Variants in NTRK3 observed in about 807,000 individuals in gnomAD.
NTRK3 encodes the protein neurotrophic receptor tyrosine kinase 3.
In NTRK3, 24 loss-of-function variants were observed where a neutral mutation model predicts 91.7. The ratio of observed to expected loss-of-function variants is 0.26; its 90% CI spans 0.19 to 0.37. The LOEUF (loss-of-function observed/expected upper bound fraction) is 0.37. Among genes scored for constraint, NTRK3 ranks in the 10% least tolerant of loss-of-function variants. The pLI is 1.00. For missense variants in NTRK3, 880 were observed against 1,068.9 expected, an observed-to-expected ratio of 0.82 and a Z score of 2.46; for synonymous variants, 483 against 404.0, an observed-to-expected ratio of 1.20 and a Z score of -2.34.
intron 14 of NTRK3, among the ~76,000 whole-genome samples, chr15:87,989,850 G>A (rs369103552): frequency 4.3e-4 from 66 of 152,112 alleles, no homozygotes; most frequent in African/African-American, 9.2e-4. Flanking sequence ...CAAGGGATGC[G>A]CCCACCTCAG....
At chr15:87,989,536 A>G (rs149354665) in intron 14 of NTRK3, among the ~76,000 whole-genome samples, 1,541 of 152,278 alleles carry the variant, frequency 0.01, 24 homozygotes, top group African/African-American at 0.035. Flanking sequence ...TAGCATTAGG[A>G]GATATACCTA....
intron 14 of NTRK3, among the ~76,000 whole-genome samples, chr15:88,010,760 A>C (rs2076824515): frequency 6.6e-6 from 1 of 151,704 alleles, no homozygotes; most frequent in Non-Finnish European, 1.5e-5. Context: ...ACACACACAC[A>C]CACACACAAA....
At chr15:87,867,491 T>C (rs1168858897) in exon 19 of NTRK3, 2 of 229,964 alleles carry the variant, frequency 8.7e-6, no homozygotes, top group Non-Finnish European at 1.7e-5. Flanking sequence ...GATCTTGAGA[T>C]GGTATATAAT....
intron 13 of NTRK3, among the ~76,000 whole-genome samples, chr15:88,101,898 G>C (rs953673960): frequency 1.3e-5 from 2 of 152,092 alleles, no homozygotes; most frequent in African/African-American, 2.4e-5. Flanking sequence ...GATAGCATTA[G>C]AAGATTTACC....
exon 19 of NTRK3, chr15:87,862,359 C>G (rs1284714026): frequency 2.2e-5 from 5 of 225,630 alleles, no homozygotes; most frequent in Middle Eastern, 1.3e-3. Flanking sequence ...CCCTTATTTT[C>G]TTACACCACT....
chr15:88,217,464 T>C (rs2141518742), intron 3 of NTRK3, among the ~76,000 whole-genome samples: 1 of 152,276 alleles, frequency 6.6e-6, no homozygotes, highest in East Asian at 1.9e-4. Context: ...GAGATGAACC[T>C]TGAGGACATT....
At chr15:88,200,462 C>G (rs978751588) in intron 3 of NTRK3, among the ~76,000 whole-genome samples, 1 of 152,142 alleles carries the variant, frequency 6.6e-6, no homozygotes, top group African/African-American at 2.4e-5. Flanking sequence ...AGTTGTAGTT[C>G]CCATAATCCC....
intron 17 of NTRK3, among the ~76,000 whole-genome samples, chr15:87,903,757 C>G (rs1365693260): frequency 6.6e-6 from 1 of 152,146 alleles, no homozygotes; most frequent in Non-Finnish European, 1.5e-5. Context: ...CCCAGAAGGC[C>G]AGTCTTAATG....
At chr15:88,144,865 C>T (rs1469358182) in intron 6 of NTRK3, among the ~76,000 whole-genome samples, 1 of 152,080 alleles carries the variant, frequency 6.6e-6, no homozygotes, top group Non-Finnish European at 1.5e-5. Flanking sequence ...CTCTACTGGG[C>T]GAGGGGCTGG....
At chr15:87,957,471 A>G in intron 14 of NTRK3, among the ~76,000 whole-genome samples, 1 of 152,174 alleles carries the variant, frequency 6.6e-6, no homozygotes, top group East Asian at 1.9e-4. Context: ...TTTGAGCCTC[A>G]ATCTCCTCAT....
At chr15:88,141,469 C>A (rs2042383060) in intron 6 of NTRK3, among the ~76,000 whole-genome samples, 1 of 152,220 alleles carries the variant, frequency 6.6e-6, no homozygotes, top group Non-Finnish European at 1.5e-5. Flanking sequence ...AAGGAGAGGC[C>A]TGGCCACCCT....
Position 88,241,816 on chromosome 15 carries a change from C to A in NTRK3, c.248+14090G>T, listed in dbSNP as rs2052381104. On this transcript the variant is annotated intron_variant, in intron 3 of 18. Coordinates refer to ENST00000394480, the Ensembl canonical transcript of NTRK3. This position sits in a 1 kb window ranked among gnomAD's most constrained non-coding sequence, Gnocchi z 4.3. ...TGGCCCCGGGAATGGACGGAATCTG[C>A]CGTGCACTCTCAGCAAAGCTTGGCC... Among the ~76,000 whole-genome samples, 1 of 152,218 alleles carries A rather than the reference C, an allele frequency of 6.6e-6. No homozygotes were observed. Among genetic ancestry groups the A allele is most frequent in the Non-Finnish European group, 1.5e-5 (1 of 68,042 alleles).
intron 3 of NTRK3, among the ~76,000 whole-genome samples, chr15:88,239,258 T>C (rs900951328): frequency 1.3e-5 from 2 of 151,972 alleles, no homozygotes; most frequent in East Asian, 1.9e-4. Flanking sequence ...CTGAGAATGT[T>C]TGAGGAATGA....
intron 5 of NTRK3, among the ~76,000 whole-genome samples, chr15:88,153,335 C>T (rs1426949103): frequency 4.6e-5 from 7 of 152,094 alleles, no homozygotes; most frequent in Admixed American, 2.6e-4. Flanking sequence ...CTCCGCCTCC[C>T]GGGTTGAAGC....
Position 88,035,850 on chromosome 15 carries a change from CGT to C in NTRK3, c.1397-2807_1397-2806del, listed in dbSNP as rs930727530. 2.6e-5 allele frequency among the ~76,000 whole-genome samples: 4 copies of C among 152,150 alleles called. No individual in the cohort carries two copies. The South Asian group carries it at 6.2e-4, about 24-fold the overall frequency. On this transcript the variant is annotated intron_variant, in intron 13 of 18. Coordinates refer to ENST00000394480, the Ensembl canonical transcript of NTRK3. ...TATACAAGCAAGGCAATATTTAAAA[CGT>C]GAACAATTCAAGGGTAGTGAAGAGT...
Position 88,243,346 on chromosome 15 carries a change from G to A in NTRK3, c.248+12560C>T, listed in dbSNP as rs1451311255. Reference sequence around the variant, plus strand: ...ATAACTTCCTGAGCCTGGCCCGTCTGCCAACGCTCCCTCCTGGATCTCAGG... The same window carrying A: ...ATAACTTCCTGAGCCTGGCCCGTCTACCAACGCTCCCTCCTGGATCTCAGG... On this transcript the variant is annotated intron_variant, in intron 3 of 18. Coordinates refer to ENST00000394480, the Ensembl canonical transcript of NTRK3. This position sits in a 1 kb window ranked among gnomAD's most constrained non-coding sequence, Gnocchi z 4.8. Among the ~76,000 whole-genome samples the A allele has an allele frequency of 3.3e-5, 5 of 152,232 alleles. No individual in the cohort carries two copies. The highest frequency in any genetic ancestry group is 2.1e-4 in the South Asian group (1 of 4,816).
At chr15:88,224,134 G>A (rs191741078) in intron 3 of NTRK3, among the ~76,000 whole-genome samples, 12 of 152,314 alleles carry the variant, frequency 7.9e-5, no homozygotes, top group African/African-American at 2.6e-4. Context: ...TGGGCCTCTC[G>A]TCCTAAGGAT....
chr15:87,969,027 C>G (rs1350549315), intron 14 of NTRK3, among the ~76,000 whole-genome samples: 1 of 152,072 alleles, frequency 6.6e-6, no homozygotes, highest in East Asian at 1.9e-4. Flanking sequence ...ATGCTATCCC[C>G]CCACCCCCTG....
In NTRK3 at chr15:88,188,023, T is replaced by C. The variant is rs182181442; in HGVS notation, c.249-3724A>G. Among the ~76,000 whole-genome samples, 37 of 152,114 alleles carry C rather than the reference T, an allele frequency of 2.4e-4. No individual in the cohort carries two copies. The East Asian group carries it at 6.4e-3, about 26-fold the overall frequency. ...CTGTGGGGGCGGTGACTGGTTTCCC[T>C]GTTCCAGGACCACAGGCTGGACCAG... On this transcript the variant is annotated intron_variant, in intron 3 of 18. Coordinates refer to ENST00000394480, the Ensembl canonical transcript of NTRK3.
Sources: allele counts gnomAD v4.1 joint callset (sites outside exome capture counted in the v4.1 genomes callset), GRCh38; gene constraint gnomAD v4.1.1; non-coding constraint Gnocchi (gnomAD v3.1); transcripts MANE v1.5; gene names NCBI Gene and HGNC (gene_info 2026-07-23, HGNC 2026-07-21).